The following DCAF8L2 variants were observed in gnomAD, a reference collection of about 807,000 sequenced individuals.
DCAF8L2 encodes the protein DDB1- and CUL4-associated factor 8-like protein 2.
For synonymous variants in DCAF8L2, 200 were observed against 190.9 expected (o/e 1.05, Z -0.39); for missense variants, 430 against 490.7 (o/e 0.88, Z 1.17).
the DCAF8L2 span, among the ~76,000 whole-genome samples, chrX:27,521,433 T>C: frequency 2.7e-5 from 3 of 112,425 alleles, no homozygotes; most frequent in Non-Finnish European, 5.6e-5. Context: ...TATTTCATTC[T>C]CTGCTGCTTA....
chrX:27,707,298 T>C (rs781737556), intron 3 of DCAF8L2, among the ~76,000 whole-genome samples: 4 of 112,096 alleles, frequency 3.6e-5, no homozygotes, highest in East Asian at 5.6e-4. Flanking sequence ...AATCATCCTG[T>C]TTAAAAATAA....
the DCAF8L2 span, among the ~76,000 whole-genome samples, chrX:27,571,924 G>A: frequency 9.0e-6 from 1 of 111,265 alleles, no homozygotes; most frequent in African/African-American, 3.3e-5. Context: ...AAGATGGATT[G>A]GTCAACCCGC....
At chrX:27,478,567 G>A in the DCAF8L2 span, among the ~76,000 whole-genome samples, 3 of 111,571 alleles carry the variant, frequency 2.7e-5, no homozygotes, top group African/African-American at 9.8e-5. Flanking sequence ...TCACTCCCAG[G>A]GGTAAAATAG....
intron 3 of DCAF8L2, among the ~76,000 whole-genome samples, chrX:27,686,301 C>G (rs1440882978): frequency 9.0e-6 from 1 of 111,459 alleles, no homozygotes; most frequent in Non-Finnish European, 1.9e-5. Context: ...TATTGCAGCA[C>G]TATTCACAAT....
chrX:27,479,332 C>T, the DCAF8L2 span, among the ~76,000 whole-genome samples: 18 of 111,152 alleles, frequency 1.6e-4, no homozygotes, highest in East Asian at 1.7e-3. Flanking sequence ...CTCGCTGGCA[C>T]CTTTGTTTTA....
the DCAF8L2 span, among the ~76,000 whole-genome samples, chrX:27,522,949 A>C: frequency 8.9e-6 from 1 of 111,734 alleles, no homozygotes; most frequent in South Asian, 3.7e-4. Flanking sequence ...TAACAAGTGA[A>C]AAGCATAGAA....
intron 1 of DCAF8L2, among the ~76,000 whole-genome samples, chrX:27,617,667 AT>A (rs1927543244): frequency 9.0e-6 from 1 of 111,320 alleles, no homozygotes; most frequent in Non-Finnish European, 1.9e-5. Flanking sequence ...ATCCACTGAT[AT>A]TTACATATTC....
intron 1 of DCAF8L2, among the ~76,000 whole-genome samples, chrX:27,602,116 G>A (rs1036964873): frequency 4.5e-5 from 5 of 110,918 alleles, no homozygotes; most frequent in African/African-American, 1.6e-4. Context: ...GAGTGCAGTA[G>A]CGCAAGTCTC....
chrX:27,490,060 A>G, the DCAF8L2 span, among the ~76,000 whole-genome samples: 1 of 110,808 alleles, frequency 9.0e-6, no homozygotes, highest in African/African-American at 3.3e-5. Flanking sequence ...ATTTTTTTGT[A>G]GAGAGGGGGT....
At chrX:27,514,170 A>G in the DCAF8L2 span, among the ~76,000 whole-genome samples, 2 of 104,660 alleles carry the variant, frequency 1.9e-5, no homozygotes, top group African/African-American at 3.8e-5. Context: ...ATGCACACAT[A>G]TGTACATGTA....
intron 2 of DCAF8L2, among the ~76,000 whole-genome samples, chrX:27,636,261 T>C (rs774567247): frequency 5.4e-4 from 61 of 112,200 alleles, no homozygotes; most frequent in Middle Eastern, 4.6e-3. Flanking sequence ...CATGGTCCAA[T>C]CTTCATGTTT....
chrX:27,592,411 G>GTTTTT (rs1214583694), intron 1 of DCAF8L2, among the ~76,000 whole-genome samples: 3 of 51,646 alleles, frequency 5.8e-5, no homozygotes, highest in African/African-American at 7.8e-5. Context: ...TTTTTTGTTT[G>GTTTTT]TTTTTGTTTT....
At chrX:27,575,466 C>T in the DCAF8L2 span, among the ~76,000 whole-genome samples, 13 of 111,079 alleles carry the variant, frequency 1.2e-4, no homozygotes, top group African/African-American at 3.9e-4. Flanking sequence ...AGGGACTATG[C>T]CTTCCTCTAC....
chrX:27,634,178 A>G (rs182036804), intron 2 of DCAF8L2, among the ~76,000 whole-genome samples: 1,879 of 111,635 alleles, frequency 0.017, 18 homozygotes, highest in Middle Eastern at 0.042. Flanking sequence ...TTAGAGTTAT[A>G]ACGTCCTAAC....
intron 2 of DCAF8L2, among the ~76,000 whole-genome samples, chrX:27,659,067 CCT>C (rs1929461000): frequency 9.0e-6 from 1 of 111,399 alleles, no homozygotes; most frequent in African/African-American, 3.3e-5. Flanking sequence ...CAAATGTACC[CCT>C]GAGAGGCCCT....
chrX:27,724,950 C>T (rs908844815), intron 4 of DCAF8L2, among the ~76,000 whole-genome samples: 3 of 110,998 alleles, frequency 2.7e-5, no homozygotes, highest in African/African-American at 9.8e-5. Flanking sequence ...TCTGAGAAAA[C>T]GGACTAACAG....
At chrX:27,634,044 G>A (rs1050046449) in intron 2 of DCAF8L2, among the ~76,000 whole-genome samples, 1 of 111,148 alleles carries the variant, frequency 9.0e-6, no homozygotes, top group African/African-American at 3.3e-5. Flanking sequence ...AACTGTTCGA[G>A]GACAAGTTTA....
the DCAF8L2 span, chrX:27,519,479 C>T: frequency 1.9e-5 from 20 of 1,067,373 alleles, no homozygotes; most frequent in Non-Finnish European, 2.6e-5. Flanking sequence ...GAGGAAGCTA[C>T]TGAGTTGCAA....
the DCAF8L2 span, among the ~76,000 whole-genome samples, chrX:27,568,939 G>C: frequency 4.8e-5 from 4 of 83,273 alleles, no homozygotes; most frequent in Non-Finnish European, 8.7e-5. Context: ...CAAGCCTTTG[G>C]AACTCAAACA....
Sources: allele counts gnomAD v4.1 joint callset (sites outside exome capture counted in the v4.1 genomes callset), GRCh38; gene constraint gnomAD v4.1.1; transcripts MANE v1.5; gene names NCBI Gene and HGNC (gene_info 2026-07-23, HGNC 2026-07-21).